The following RPTOR variants were observed in gnomAD, a reference collection of about 807,000 sequenced individuals.
RPTOR encodes regulatory-associated protein of mTOR.
Under a neutral mutation model 169.9 loss-of-function variants are expected in RPTOR, and 21 were observed. The observed-to-expected ratio is 0.12, with a 90% CI of 0.09 to 0.18. RPTOR has a LOEUF of 0.18. Ranked by LOEUF, RPTOR falls within the 10% of genes least tolerant of loss-of-function variation. RPTOR has a pLI of 1.00. For synonymous variants in RPTOR, 732 were observed against 753.2 expected, an observed-to-expected ratio of 0.97 and a Z score of 0.46; for missense variants, 1,133 against 1,855.9, an observed-to-expected ratio of 0.61 and a Z score of 7.16.
intron 1 of RPTOR, among the ~76,000 whole-genome samples, chr17:80,550,781 C>T (rs978145559): frequency 6.6e-6 from 1 of 152,190 alleles, no homozygotes; most frequent in Non-Finnish European, 1.5e-5. Flanking sequence ...GATGCAGCCC[C>T]AGTCCAGGCA....
intron 1 of RPTOR, among the ~76,000 whole-genome samples, chr17:80,601,563 T>C (rs11150869): frequency 6.9e-4 from 23 of 33,294 alleles, no homozygotes; most frequent in African/African-American, 1.8e-3. Context: ...GTCTTTTTTT[T>C]TTTTTTTTTA....
rs1447336947 is a variant in RPTOR, at chr17:80,633,210, TC to T, written c.265+7419del. On this transcript the variant is annotated intron_variant, in intron 2 of 33. Transcript: ENST00000306801. This position sits in a 1 kb window ranked among gnomAD's most constrained non-coding sequence, Gnocchi z 4.1. ...ACATGGTGCTTCAGCACCTCTGAATTCCTTAGTGTGTAATTCCTGCCAGCCG... is the reference window on the plus strand; with the variant it reads ...ACATGGTGCTTCAGCACCTCTGAATTCTTAGTGTGTAATTCCTGCCAGCCG... Among the ~76,000 whole-genome samples, 1 of 152,230 alleles carries T rather than the reference TC, an allele frequency of 6.6e-6. No homozygotes were observed. Among genetic ancestry groups the T allele is most frequent in the African/African-American group, 2.4e-5 (1 of 41,462 alleles).
At chr17:80,867,455 A>C (rs1262781725) in intron 13 of RPTOR, among the ~76,000 whole-genome samples, 1 of 152,174 alleles carries the variant, frequency 6.6e-6, no homozygotes, top group Non-Finnish European at 1.5e-5. Context: ...AACACCATAC[A>C]GTGGTGAAAG....
intron 31 of RPTOR, 120 bp from the exon 32 acceptor site, chr17:80,962,340 TC>T (rs1246915632): frequency 7.6e-6 from 6 of 789,350 alleles, no homozygotes; most frequent in Non-Finnish European, 1.3e-5. Context: ...GGCAGCTTTT[TC>T]CTTGAGCAGT....
At chr17:80,588,222 G>A (rs2065078251) in intron 1 of RPTOR, among the ~76,000 whole-genome samples, 1 of 150,396 alleles carries the variant, frequency 6.6e-6, no homozygotes, top group African/African-American at 2.5e-5. Context: ...GAGTGCAGTG[G>A]TGTAATCTCG....
intron 6 of RPTOR, among the ~76,000 whole-genome samples, chr17:80,772,938 G>A (rs1598295000): frequency 1.3e-5 from 2 of 152,270 alleles, no homozygotes. Context: ...GATTTGAACC[G>A]GGGTTTTCTG....
intron 5 of RPTOR, among the ~76,000 whole-genome samples, chr17:80,744,251 T>A (rs200064184): frequency 1.1e-4 from 5 of 46,362 alleles, no homozygotes; most frequent in East Asian, 1.1e-3. Context: ...TTACTAGCAC[T>A]GTCCTGGCTA....
At chr17:80,841,372 CACACTCACCGCACGGCA>C (rs1391582042) in intron 10 of RPTOR, among the ~76,000 whole-genome samples, 2 of 140,356 alleles carry the variant, frequency 1.4e-5, no homozygotes, top group Non-Finnish European at 3.1e-5. Context: ...CACCGCAGCT[CACACTCACCGCACGGCA>C]GCTCACACCG....
chr17:80,554,692 T>C (rs6565696), intron 1 of RPTOR, among the ~76,000 whole-genome samples: 131,747 of 151,784 alleles, frequency 0.87, 58,863 homozygotes, highest in East Asian at 1. Flanking sequence ...TGCAGTGAGC[T>C]GAGATTGCGC....
intron 1 of RPTOR, among the ~76,000 whole-genome samples, chr17:80,563,978 A>C (rs1320397842): frequency 2.6e-5 from 4 of 152,192 alleles, no homozygotes; most frequent in Non-Finnish European, 5.9e-5. Context: ...CTTGGACCGC[A>C]GTTAACTCAC....
Position 80,885,144 on chromosome 17 carries a change from G to A in RPTOR, c.1979G>A (p.Arg660Gln), listed in dbSNP as rs2068230330. ...GTCAGCGACGGGAGCCCCATGGTCC[G>A]GAAGGTGCGTGAACCCCCAGCCCGG... Reference protein sequence around the residue: ...QLVSDGSPMVRKELVVALSHL... With the variant: ...QLVSDGSPMVQKELVVALSHL... The change falls in exon 17 of 34, where the codon CGG becomes CAG. Residue 660 changes from arginine to glutamine, a missense_variant. Around this residue, in one of 9 missense-constraint regions of RPTOR, gnomAD observed 150 missense variants for 206.4 expected, o/e 0.73. Coordinates refer to ENST00000306801, the MANE Select transcript of RPTOR (RefSeq NM_020761.3). 2 of 1,554,410 alleles carry A rather than the reference G, an allele frequency of 1.3e-6. No homozygotes were observed. The highest frequency in any genetic ancestry group is 1.7e-6 in the Non-Finnish European group (2 of 1,148,952).
chr17:80,910,256 C>T (rs1423165761), intron 21 of RPTOR, among the ~76,000 whole-genome samples: 1 of 152,204 alleles, frequency 6.6e-6, no homozygotes, highest in Non-Finnish European at 1.5e-5. Context: ...AAGCCGGACA[C>T]AGGGCAGCTG....
chr17:80,685,685 C>T (rs1198261814), intron 3 of RPTOR, among the ~76,000 whole-genome samples: 1 of 99,374 alleles, frequency 1.0e-5, no homozygotes, highest in African/African-American at 4.2e-5. Flanking sequence ...ATGTCTTTTG[C>T]CATTTGCCTC....
chr17:80,842,758 T>G (rs991340371), intron 10 of RPTOR, among the ~76,000 whole-genome samples: 1 of 152,232 alleles, frequency 6.6e-6, no homozygotes, highest in Non-Finnish European at 1.5e-5. Flanking sequence ...GACGCTACGC[T>G]CTTTGTCAGC....
intron 7 of RPTOR, among the ~76,000 whole-genome samples, chr17:80,794,869 C>G (rs1168717471): frequency 1.3e-5 from 2 of 152,028 alleles, no homozygotes; most frequent in African/African-American, 2.4e-5. Flanking sequence ...AACATGGGGC[C>G]AGAGAACAGA....
Position 80,923,704 on chromosome 17 carries a change from A to G in RPTOR, c.2808+31A>G, listed in dbSNP as rs2068775228. On this transcript the variant is annotated intron_variant, in intron 23 of 33. Transcript: ENST00000306801. ...GGAGCCCGGCTGCCTGGTGATCTGG[A>G]CACTGAGAGCGTTGCTTCTCAGATG... The G allele has an allele frequency of 3.3e-6, 5 of 1,538,074 alleles. No homozygotes were observed. In the Admixed American group the frequency reaches 9.6e-5, roughly 29 times the overall value.
chr17:80,705,482 C>T (rs2066135781), intron 3 of RPTOR, among the ~76,000 whole-genome samples: 1 of 152,208 alleles, frequency 6.6e-6, no homozygotes, highest in South Asian at 2.1e-4. Flanking sequence ...GATATTCATA[C>T]ATCTACTGAT....
chr17:80,927,514 A>G (rs1200005328), intron 24 of RPTOR, among the ~76,000 whole-genome samples: 1 of 152,086 alleles, frequency 6.6e-6, no homozygotes, highest in Admixed American at 6.6e-5. Flanking sequence ...ACTTTTCCCC[A>G]AAGGATTTGC....
rs1033534220 is a variant in RPTOR, at chr17:80,545,174, C to A, written c.-456C>A. On this transcript the variant is annotated 5_prime_UTR_variant, in exon 1 of 34. Coordinates refer to ENST00000306801, the MANE Select transcript of RPTOR (RefSeq NM_020761.3). ...GACCCAGGGCCCTTTGAACCCGATCCCTTGGCCGGAGACCTCAGCCCAGTC... is the reference window on the plus strand; with the variant it reads ...GACCCAGGGCCCTTTGAACCCGATCACTTGGCCGGAGACCTCAGCCCAGTC... The A allele has an allele frequency of 4.3e-6, 1 of 234,694 alleles. No individual in the cohort carries two copies. The highest frequency in any genetic ancestry group is 2.2e-5 in the African/African-American group (1 of 45,510). 14.5% of individuals were successfully genotyped at this position (234,694 alleles called of 1,614,324 possible).
Sources: allele counts gnomAD v4.1 joint callset (sites outside exome capture counted in the v4.1 genomes callset), GRCh38; gene constraint gnomAD v4.1.1; regional missense constraint gnomAD v4.1.1; non-coding constraint Gnocchi (gnomAD v3.1); transcripts MANE v1.5; gene names NCBI Gene and HGNC (gene_info 2026-07-23, HGNC 2026-07-21).